The following SIM1 variants were observed in gnomAD, a reference collection of about 807,000 sequenced individuals.
SIM1 encodes the protein SIM bHLH transcription factor 1.
A neutral mutation model predicts 78.2 loss-of-function variants in SIM1; 18 were observed. That is an observed-to-expected ratio of 0.23 (90% CI 0.16 to 0.34). The LOEUF (loss-of-function observed/expected upper bound fraction) is 0.34, where lower values mean the gene tolerates loss of function less well. Ranked by LOEUF, SIM1 falls within the 10% of genes least tolerant of loss-of-function variation. The probability of loss-of-function intolerance (pLI) is 1.00; values close to 1 mark genes in which losing one functional copy is unlikely to be tolerated. For synonymous variants in SIM1, 417 were observed against 385.2 expected, an observed-to-expected ratio of 1.08 and a Z score of -0.97; for missense variants, 939 against 975.1, an observed-to-expected ratio of 0.96 and a Z score of 0.49.
In SIM1 at chr6:100,419,753, A is replaced by T. The variant is rs150300189; in HGVS notation, c.1167+1037T>A. ...GTCGCCCAGGTTCAAGCCATTCTCC[A>T]GTCTCAGCCTCCTGAGTAGCTGGGA... On this transcript the variant is annotated intron_variant, in intron 10 of 11. Coordinates refer to ENST00000369208, the MANE Select transcript of SIM1 (RefSeq NM_005068.3). Among the ~76,000 whole-genome samples the T allele has an allele frequency of 8.1e-3, 1,239 of 152,176 alleles. 18 individuals carry two copies. Among genetic ancestry groups the T allele is most frequent in the African/African-American group, 0.029 (1,195 of 41,522 alleles).
intron 10 of SIM1, among the ~76,000 whole-genome samples, chr6:100,412,829 C>T (rs1316709512): frequency 6.6e-6 from 1 of 151,976 alleles, no homozygotes; most frequent in African/African-American, 2.4e-5. Flanking sequence ...AGGAAAGTCA[C>T]AGCTGGGTGT....
At position 100,418,888 on chromosome 6, in the gene SIM1, C is replaced by T. The variant is rs146491387; in HGVS notation, c.1167+1902G>A. Among the ~76,000 whole-genome samples, 86 of 152,216 alleles carry T rather than the reference C, an allele frequency of 5.6e-4. 2 individuals carry two copies. The East Asian group carries it at 0.016, about 28-fold the overall frequency. On this transcript the variant is annotated intron_variant, in intron 10 of 11. Transcript: ENST00000369208. The stretch of plus-strand genomic sequence containing the variant: ...TTCCATAAAAAGAAGCAGCTCCTGG[C>T]CAGGCATGGTGGCTCATGTCTGTAA...
intron 9 of SIM1, among the ~76,000 whole-genome samples, chr6:100,434,922 C>T (rs1772005726): frequency 6.6e-6 from 1 of 152,026 alleles, no homozygotes; most frequent in African/African-American, 2.4e-5. Context: ...ATTCACAGGC[C>T]CTATCCATTT....
At chr6:100,426,546 T>A (rs1771735174) in intron 9 of SIM1, among the ~76,000 whole-genome samples, 1 of 152,136 alleles carries the variant, frequency 6.6e-6, no homozygotes, top group African/African-American at 2.4e-5. Context: ...GCATTGTCAG[T>A]TCTAGAGAAA....
In SIM1 at chr6:100,458,628, G is replaced by A. The variant is rs3798485; in HGVS notation, c.175+4666C>T. On this transcript the variant is annotated intron_variant, in intron 2 of 11. Coordinates refer to ENST00000369208, the MANE Select transcript of SIM1 (RefSeq NM_005068.3). ...ACTCTGTGCTGAGGCCACGAGCTAG[G>A]CCCTTGGCTGGGGCCACCGCGGACA... 0.012 allele frequency among the ~76,000 whole-genome samples: 1,817 copies of A among 152,342 alleles called. 64 individuals carry two copies. In the East Asian group the frequency reaches 0.12, roughly 10 times the overall value.
chr6:100,448,363 GC>G, intron 7 of SIM1, 111 bp from the exon 8 acceptor site: 1 of 1,379,336 alleles, frequency 7.2e-7, no homozygotes, highest in Non-Finnish European at 1.0e-6. Context: ...ACTTTCCAGG[GC>G]CGATTCAGTC....
chr6:100,392,732 C>T (rs975693612), intron 11 of SIM1, among the ~76,000 whole-genome samples: 1 of 152,192 alleles, frequency 6.6e-6, no homozygotes, highest in African/African-American at 2.4e-5. Context: ...ATGTCACTGA[C>T]TTTTAATGAA....
At chr6:100,456,746 A>G (rs1440756119) in intron 2 of SIM1, among the ~76,000 whole-genome samples, 1 of 152,218 alleles carries the variant, frequency 6.6e-6, no homozygotes, top group African/African-American at 2.4e-5. Context: ...TGTATCTATT[A>G]TGGATCTAAA....
intron 9 of SIM1, among the ~76,000 whole-genome samples, chr6:100,442,260 T>A (rs1041786799): frequency 2.0e-5 from 3 of 152,190 alleles, no homozygotes; most frequent in African/African-American, 7.2e-5. Context: ...GGAAAAAGTG[T>A]ATGAAGAATA....
chr6:100,391,535 AATG>A (rs1181443571), intron 11 of SIM1, among the ~76,000 whole-genome samples: 1 of 152,200 alleles, frequency 6.6e-6, no homozygotes, highest in African/African-American at 2.4e-5. Context: ...ATTTGAGGGA[AATG>A]ATGATACAGG....
At chr6:100,393,398 T>C in intron 11 of SIM1, 89 bp downstream of exon 11, 1 of 1,112,756 alleles carries the variant, frequency 9.0e-7, no homozygotes, top group Non-Finnish European at 1.2e-6. Flanking sequence ...AGAAGATAAC[T>C]ATTTGGTCAT....
chr6:100,463,839 A>C lies in SIM1; in HGVS notation c.-371T>G, dbSNP rs80193484. ...ACCCTGGTCCTCGGAAAATCGACAT[A>C]ATAATCCCTGACGTTTGCTCTTCAG... On this transcript the variant is annotated 5_prime_UTR_variant, in exon 2 of 12. In the 5' UTR this introduces an upstream ATG that the reference lacks. Transcript: ENST00000369208. 1,342 of 186,808 alleles carry C rather than the reference A, an allele frequency of 7.2e-3. 8 individuals carry two copies. Among genetic ancestry groups the C allele is most frequent in the South Asian group, 0.024 (176 of 7,396 alleles). 11.6% of individuals were successfully genotyped at this position (186,808 alleles called of 1,614,324 possible).
chr6:100,418,056 G>A (rs1171403048), intron 10 of SIM1, among the ~76,000 whole-genome samples: 1 of 152,118 alleles, frequency 6.6e-6, no homozygotes, highest in Non-Finnish European at 1.5e-5. Context: ...ATTTCTAGAA[G>A]AAAGAACAAT....
At chr6:100,458,770 G>T (rs1446098821) in intron 2 of SIM1, among the ~76,000 whole-genome samples, 1 of 152,232 alleles carries the variant, frequency 6.6e-6, no homozygotes, top group Admixed American at 6.5e-5. Flanking sequence ...GAGGCCGAGT[G>T]ACAAGGCGCA....
In SIM1 at chr6:100,450,258, C is replaced by T. The variant is rs1034652619; in HGVS notation, c.348+9G>A. The T allele has an allele frequency of 1.9e-6, 3 of 1,611,536 alleles. No individual in the cohort carries two copies. Among genetic ancestry groups the T allele is most frequent in the African/African-American group, 2.7e-5 (2 of 74,880 alleles). On this transcript the variant is annotated intron_variant, in intron 4 of 11. Transcript: ENST00000369208. ...CACTGCAGGTGGGATATGTGAACCA[C>T]TCACCTACCTGAGAAAGACCCAAGT...
intron 9 of SIM1, among the ~76,000 whole-genome samples, chr6:100,442,717 T>A (rs760718469): frequency 2.0e-5 from 3 of 152,126 alleles, no homozygotes; most frequent in Non-Finnish European, 2.9e-5. Context: ...TAACTATATA[T>A]GTTATTGGTC....
intron 9 of SIM1, among the ~76,000 whole-genome samples, chr6:100,423,980 T>C (rs1277351014): frequency 6.6e-6 from 1 of 152,124 alleles, no homozygotes; most frequent in Non-Finnish European, 1.5e-5. Context: ...TTCCTAATGC[T>C]GCATCTCAGC....
At chr6:100,433,423 A>G (rs909217814) in intron 9 of SIM1, among the ~76,000 whole-genome samples, 4 of 152,108 alleles carry the variant, frequency 2.6e-5, no homozygotes, top group Admixed American at 2.6e-4. Flanking sequence ...AGGACTCCAC[A>G]TGGCTGGCTC....
At chr6:100,408,627 G>A (rs1771111853) in intron 10 of SIM1, among the ~76,000 whole-genome samples, 1 of 152,052 alleles carries the variant, frequency 6.6e-6, no homozygotes, top group Admixed American at 6.6e-5. Flanking sequence ...ATGAAAGGAT[G>A]TTGAATTTTA....
Sources: gnomAD v4.1 joint callset for allele counts (sites outside exome capture counted in the v4.1 genomes callset) on GRCh38, gnomAD v4.1.1 for gene constraint, MANE v1.5 for transcripts, NCBI Gene and HGNC (gene_info 2026-07-23, HGNC 2026-07-21) for gene names.